Variants in SCAI observed in about 807,000 individuals in gnomAD.
SCAI encodes suppressor of cancer cell invasion, also known as protein SCAI.
SCAI carries 24 observed loss-of-function variants against 92.2 expected under a neutral mutation model. That is an observed-to-expected ratio of 0.26 (90% CI 0.19 to 0.37). The LOEUF is 0.37. Among genes scored for constraint, SCAI ranks in the 10% least tolerant of loss-of-function variants. The pLI, the probability that SCAI is intolerant of heterozygous loss-of-function variation, is 1.00. For missense variants in SCAI, 450 were observed against 736.2 expected, an observed-to-expected ratio of 0.61 and a Z score of 4.50; for synonymous variants, 261 against 258.6, an observed-to-expected ratio of 1.01 and a Z score of -0.09.
intron 2 of SCAI, among the ~76,000 whole-genome samples, chr9:125,107,064 A>T (rs1259118464): frequency 2.0e-5 from 3 of 151,830 alleles, no homozygotes; most frequent in Admixed American, 1.3e-4. Context: ...AGGCAGATAC[A>T]TATTCTACTA....
At position 125,042,634 on chromosome 9, in the gene SCAI, T is replaced by TGTACAC. The variant is rs761672178; in HGVS notation, c.231-12896_231-12895insGTGTAC. On this transcript the variant is annotated intron_variant, in intron 3 of 17. Coordinates refer to ENST00000336505, the MANE Select transcript of SCAI (RefSeq NM_001144877.3). Reference sequence around the variant, plus strand: ...CAGAGTATGTGTGTGTGTGTGTGTGTACACACACACACACACACACACACA... The same window carrying TGTACAC: ...CAGAGTATGTGTGTGTGTGTGTGTGTGTACACACACACACACACACACACACACACA... Among the ~76,000 whole-genome samples the TGTACAC allele has an allele frequency of 2.3e-3, 222 of 96,206 alleles. 1 individual carries two copies. Among genetic ancestry groups the TGTACAC allele is most frequent in the African/African-American group, 8.4e-3 (215 of 25,514 alleles). 63.1% of individuals were successfully genotyped at this position (96,206 alleles called of 152,430 possible). A position where few individuals can be genotyped will look rare whatever the true frequency, so the allele number is the denominator to read the frequency against.
At chr9:124,990,447 C>T (rs903781304) in intron 14 of SCAI, among the ~76,000 whole-genome samples, 2 of 152,134 alleles carry the variant, frequency 1.3e-5, no homozygotes, top group Admixed American at 6.6e-5. Context: ...CAAGATCGCA[C>T]CATTGCACTC....
chr9:125,042,638 C>CGTGTGTGTGTGTGTGT, intron 3 of SCAI, among the ~76,000 whole-genome samples: 1 of 73,576 alleles, frequency 1.4e-5, no homozygotes, highest in African/African-American at 4.8e-5. Flanking sequence ...TGTGTGTACA[C>CGTGTGTGTGTGTGTGT]ACACACACAC....
intron 17 of SCAI, among the ~76,000 whole-genome samples, chr9:124,963,470 C>G (rs951966394): frequency 6.6e-6 from 1 of 151,952 alleles, no homozygotes; most frequent in Non-Finnish European, 1.5e-5. Flanking sequence ...TTGGCCAGGG[C>G]TGAGCACGGT....
intron 3 of SCAI, among the ~76,000 whole-genome samples, chr9:125,044,574 CCACCTTGTT>C (rs1367795115): frequency 2.0e-5 from 3 of 152,180 alleles, no homozygotes; most frequent in Non-Finnish European, 4.4e-5. Flanking sequence ...AAGCTCCTCT[CCACCTTGTT>C]CACCCTCCAG....
chr9:125,110,977 T>C (rs1240306620), intron 2 of SCAI, among the ~76,000 whole-genome samples: 3 of 152,154 alleles, frequency 2.0e-5, no homozygotes, highest in Non-Finnish European at 4.4e-5. Flanking sequence ...ACACCAGTAT[T>C]ATGCAAACTT....
intron 9 of SCAI, 50 bp downstream of exon 9, chr9:125,018,749 C>T (rs2131070544): frequency 7.0e-7 from 1 of 1,434,566 alleles, no homozygotes; most frequent in South Asian, 1.2e-5. Flanking sequence ...TCATCAATAG[C>T]ACTATTTTTC....
intron 2 of SCAI, among the ~76,000 whole-genome samples, chr9:125,083,594 CAT>C (rs1228793886): frequency 1.3e-5 from 2 of 151,170 alleles, no homozygotes; most frequent in Non-Finnish European, 2.9e-5. Flanking sequence ...TCCTCAGCCA[CAT>C]GGAACTGTAA....
chr9:125,080,603 T>C (rs1834192771), intron 2 of SCAI, among the ~76,000 whole-genome samples: 1 of 152,228 alleles, frequency 6.6e-6, no homozygotes, highest in Non-Finnish European at 1.5e-5. Context: ...GCTATTTTAC[T>C]TTGGGCATGT....
At chr9:125,107,833 C>T (rs1834833028) in intron 2 of SCAI, among the ~76,000 whole-genome samples, 1 of 152,150 alleles carries the variant, frequency 6.6e-6, no homozygotes, top group South Asian at 2.1e-4. Flanking sequence ...TCTCCCTCTC[C>T]CCACAGTCTC....
At position 125,143,430 on chromosome 9, in the gene SCAI, C is replaced by T. The variant is rs1187580533; in HGVS notation, c.8G>A (p.Arg3Lys). 7.2e-6 allele frequency: 10 copies of T among 1,396,172 alleles called. No individual in the cohort carries two copies. Among genetic ancestry groups the T allele is most frequent in the Non-Finnish European group, 5.6e-6 (6 of 1,073,318 alleles). The allele number at this position is 1,396,172 out of a possible 1,614,324, so 86.5% of individuals were successfully genotyped here. A position where few individuals can be genotyped will look rare whatever the true frequency, so the allele number is the denominator to read the frequency against. Reference protein sequence around the residue: MVRGARQPQQPRS... With the variant: MVKGARQPQQPRS... Reference sequence around the variant, plus strand: ...CGGCTGCTGGGGCTGCCGGGCTCCTCTGACCATCCGGCTCCTGCTCCGCCG... The same window carrying T: ...CGGCTGCTGGGGCTGCCGGGCTCCTTTGACCATCCGGCTCCTGCTCCGCCG... Residue 3 changes from arginine (R) to lysine (K), a missense_variant, in exon 1 of 18, where the codon AGA (arginine) becomes AAA (lysine). Arg to Lys is a conservative substitution (Grantham distance 26). Transcript: ENST00000336505.
intron 2 of SCAI, among the ~76,000 whole-genome samples, chr9:125,087,049 A>G (rs1296439137): frequency 6.6e-6 from 1 of 152,212 alleles, no homozygotes; most frequent in Non-Finnish European, 1.5e-5. Context: ...ACCAGACTGT[A>G]TCAGGCAAAC....
intron 14 of SCAI, among the ~76,000 whole-genome samples, chr9:124,977,306 T>C (rs1294133551): frequency 6.6e-6 from 1 of 152,152 alleles, no homozygotes; most frequent in Non-Finnish European, 1.5e-5. Flanking sequence ...AAAGTTCATA[T>C]GGAAAAACTG....
chr9:125,021,903 A>T (rs1471808378), intron 6 of SCAI, among the ~76,000 whole-genome samples: 1 of 152,004 alleles, frequency 6.6e-6, no homozygotes, highest in Non-Finnish European at 1.5e-5. Flanking sequence ...TGATTTTTTT[A>T]AATTATGTTT....
intron 14 of SCAI, among the ~76,000 whole-genome samples, chr9:124,988,891 G>A (rs1299964610): frequency 6.6e-6 from 1 of 152,194 alleles, no homozygotes; most frequent in Non-Finnish European, 1.5e-5. Context: ...TGTAATCCCA[G>A]AACTTTGGGA....
rs896840374 is a variant in SCAI at position 124,949,984 on chromosome 9, A to G, written c.*2823T>C. Reference sequence around the variant, plus strand: ...TTAACTACCAGTAAGGAATTACACTATTAGCTTAAGGGGCAACATCATAAG... The same window carrying G: ...TTAACTACCAGTAAGGAATTACACTGTTAGCTTAAGGGGCAACATCATAAG... On this transcript the variant is annotated 3_prime_UTR_variant, in exon 18 of 18. Coordinates refer to ENST00000336505, the MANE Select transcript of SCAI (RefSeq NM_001144877.3). The surrounding 1 kb of genome is among the most constrained non-coding windows in gnomAD (Gnocchi z 4.0). 5 of 152,198 alleles carry G rather than the reference A, an allele frequency of 3.3e-5. No homozygotes were observed. Among genetic ancestry groups the G allele is most frequent in the African/African-American group, 1.2e-4 (5 of 41,450 alleles). The allele number at this position is 152,198 out of a possible 1,614,324, so 9.4% of individuals were successfully genotyped here.
intron 2 of SCAI, among the ~76,000 whole-genome samples, chr9:125,076,228 G>A (rs1834087460): frequency 6.6e-6 from 1 of 152,106 alleles, no homozygotes; most frequent in Non-Finnish European, 1.5e-5. Flanking sequence ...GCCAGGCGTG[G>A]TGGCTCATAT....
At chr9:124,956,138 T>C (rs983185371) in intron 17 of SCAI, among the ~76,000 whole-genome samples, 3 of 152,158 alleles carry the variant, frequency 2.0e-5, no homozygotes, top group Non-Finnish European at 2.9e-5. Flanking sequence ...AATGAAATAT[T>C]AGCAAATTCA....
chr9:124,970,228 T>C (rs1241527646), intron 17 of SCAI, among the ~76,000 whole-genome samples: 1 of 152,092 alleles, frequency 6.6e-6, no homozygotes, highest in Non-Finnish European at 1.5e-5. Flanking sequence ...ATTTGCAATA[T>C]ATAGTCAAAC....
Sources: gnomAD v4.1 joint callset for allele counts (sites outside exome capture counted in the v4.1 genomes callset) on GRCh38, gnomAD v4.1.1 for gene constraint, Gnocchi (gnomAD v3.1) non-coding constraint, MANE v1.5 for transcripts, NCBI Gene and HGNC (gene_info 2026-07-23, HGNC 2026-07-21) for gene names.